ADK: variants seen among roughly 807,000 people sequenced by gnomAD.
The protein encoded by ADK is adenosine kinase, also known as N6,N6-dimethyladenosine kinase.
In ADK, 24 loss-of-function variants were observed where a neutral mutation model predicts 44.7. That is an observed-to-expected ratio of 0.54 (90% confidence interval 0.39 to 0.76). The LOEUF (loss-of-function observed/expected upper bound fraction) is 0.76. Ranked by LOEUF, ADK falls within the 30% of genes least tolerant of loss-of-function variation. ADK has a pLI of 0.00. For synonymous variants in ADK, 128 were observed against 142.6 expected (o/e 0.90, Z 0.73); for missense variants, 321 against 425.1 (o/e 0.76, Z 2.15).
intron 9 of ADK, among the ~76,000 whole-genome samples, chr10:74,668,607 A>G (rs1855057874): frequency 6.6e-6 from 1 of 152,156 alleles, no homozygotes; most frequent in Non-Finnish European, 1.5e-5. Flanking sequence ...GTGATGGCAC[A>G]TGACTGTAAT....
intron 7 of ADK, among the ~76,000 whole-genome samples, chr10:74,550,266 T>G (rs1349753727): frequency 6.6e-6 from 1 of 152,030 alleles, no homozygotes; most frequent in Non-Finnish European, 1.5e-5. Flanking sequence ...AGACAGGGTT[T>G]CACTGTGTTG....
chr10:74,466,104 CT>C (rs1846348132), intron 6 of ADK, among the ~76,000 whole-genome samples: 1 of 152,116 alleles, frequency 6.6e-6, no homozygotes, highest in African/African-American at 2.4e-5. Context: ...CCTCTTCCCC[CT>C]TCTTGGCAAA....
intron 1 of ADK, among the ~76,000 whole-genome samples, chr10:74,151,849 G>A (rs938012382): frequency 2.0e-5 from 3 of 152,212 alleles, no homozygotes; most frequent in Admixed American, 6.5e-5. Context: ...CCTCTACCAG[G>A]GACCCAGACC....
intron 4 of ADK, among the ~76,000 whole-genome samples, chr10:74,373,006 A>G (rs1006287048): frequency 1.3e-5 from 2 of 152,198 alleles, no homozygotes; most frequent in Non-Finnish European, 2.9e-5. Context: ...ATGGTATAGA[A>G]TTGAGAACAG....
chr10:74,503,296 G>A (rs1847942466), intron 6 of ADK, among the ~76,000 whole-genome samples: 1 of 152,148 alleles, frequency 6.6e-6, no homozygotes, highest in Non-Finnish European at 1.5e-5. Flanking sequence ...AAAGGATATA[G>A]AAAGGTACAG....
At chr10:74,556,690 A>G (rs1850259293) in intron 7 of ADK, among the ~76,000 whole-genome samples, 1 of 152,232 alleles carries the variant, frequency 6.6e-6, no homozygotes, top group Non-Finnish European at 1.5e-5. Flanking sequence ...TTTTAAAAAT[A>G]TAGGACTCTG....
intron 6 of ADK, among the ~76,000 whole-genome samples, chr10:74,452,696 A>C (rs1435262647): frequency 6.6e-6 from 1 of 151,926 alleles, no homozygotes; most frequent in Non-Finnish European, 1.5e-5. Flanking sequence ...TGGCAAGTTA[A>C]TTGTGGGTGA....
At chr10:74,290,077 C>T (rs1419867267) in intron 3 of ADK, among the ~76,000 whole-genome samples, 2 of 87,240 alleles carry the variant, frequency 2.3e-5, no homozygotes, top group East Asian at 4.7e-4. Flanking sequence ...ACTACTCACG[C>T]GCACACACAC....
intron 9 of ADK, 25 bp from the exon 10 acceptor site, chr10:74,670,158 T>A: frequency 6.3e-7 from 1 of 1,584,938 alleles, no homozygotes; most frequent in South Asian, 1.1e-5. Flanking sequence ...GAAGTCATTC[T>A]GCCTTTCTTT....
intron 4 of ADK, among the ~76,000 whole-genome samples, chr10:74,345,244 A>C (rs1292292313): frequency 6.6e-6 from 1 of 151,732 alleles, no homozygotes; most frequent in Non-Finnish European, 1.5e-5. Flanking sequence ...TTTAATGGCT[A>C]TTCTTTCTGA....
intron 3 of ADK, among the ~76,000 whole-genome samples, chr10:74,300,154 G>T (rs994166825): frequency 1.3e-5 from 2 of 151,566 alleles, no homozygotes; most frequent in African/African-American, 4.9e-5. Flanking sequence ...AAAGTGTTGG[G>T]ATTATAGGTG....
chr10:74,562,517 C>T (rs553696283), intron 7 of ADK, among the ~76,000 whole-genome samples: 5 of 152,278 alleles, frequency 3.3e-5, no homozygotes, highest in South Asian at 2.1e-4. Context: ...GTCTTACTCT[C>T]CTTGTCCTAA....
intron 3 of ADK, among the ~76,000 whole-genome samples, chr10:74,281,333 C>G (rs1846924424): frequency 6.6e-6 from 1 of 152,228 alleles, no homozygotes; most frequent in African/African-American, 2.4e-5. Context: ...ATTTTATGCC[C>G]TCTCCCATTG....
At chr10:74,618,304 AT>A (rs1477158662) in intron 9 of ADK, among the ~76,000 whole-genome samples, 4 of 144,536 alleles carry the variant, frequency 2.8e-5, no homozygotes, top group African/African-American at 1.0e-4. Context: ...TTTTCTTCTC[AT>A]TTAGCTTCTC....
chr10:74,691,886 G>A (rs1397915632), intron 10 of ADK, among the ~76,000 whole-genome samples: 2 of 152,134 alleles, frequency 1.3e-5, no homozygotes, highest in African/African-American at 4.8e-5. Flanking sequence ...GTGAGGATGT[G>A]TAGCACTGGG....
At chr10:74,708,261 A>G (rs747804430) in intron 10 of ADK, 60 bp from the exon 11 acceptor site, 58 of 1,585,368 alleles carry the variant, frequency 3.7e-5, no homozygotes, top group African/African-American at 2.0e-4. Flanking sequence ...GTCTGACCCA[A>G]TATGACATTT....
chr10:74,622,255 G>T (rs1336578309), intron 9 of ADK, among the ~76,000 whole-genome samples: 1 of 152,050 alleles, frequency 6.6e-6, no homozygotes, highest in Non-Finnish European at 1.5e-5. Context: ...CCTCTTAGTA[G>T]TAGTCCATTG....
At chr10:74,493,812 C>G (rs1847581966) in intron 6 of ADK, among the ~76,000 whole-genome samples, 1 of 151,866 alleles carries the variant, frequency 6.6e-6, no homozygotes, top group Non-Finnish European at 1.5e-5. Flanking sequence ...TTATGTGTAC[C>G]TACCATGAAT....
intron 9 of ADK, among the ~76,000 whole-genome samples, chr10:74,637,155 A>G (rs1169152317): frequency 6.6e-6 from 1 of 152,160 alleles, no homozygotes; most frequent in African/African-American, 2.4e-5. Flanking sequence ...GTGGACATTA[A>G]ATACCTAGGA....
Sources: allele counts gnomAD v4.1 joint callset (sites outside exome capture counted in the v4.1 genomes callset), GRCh38; gene constraint gnomAD v4.1.1; transcripts MANE v1.5; gene names NCBI Gene and HGNC (gene_info 2026-07-23, HGNC 2026-07-21).